The following THSD7A variants were observed in gnomAD, a reference collection of about 807,000 sequenced individuals.
THSD7A encodes thrombospondin type-1 domain-containing protein 7A.
A neutral mutation model predicts 231.3 loss-of-function variants in THSD7A; 96 were observed. That is an observed-to-expected ratio of 0.41 (90% CI 0.35 to 0.49). The LOEUF (loss-of-function observed/expected upper bound fraction) is 0.49. Ranked by LOEUF, THSD7A falls within the 20% of genes least tolerant of loss-of-function variation. The probability of loss-of-function intolerance (pLI) is 0.05; values close to 1 mark genes in which losing one functional copy is unlikely to be tolerated. For missense variants in THSD7A, 2,290 were observed against 2,070.2 expected (o/e 1.11, Z -2.06); for synonymous variants, 940 against 743.3 (o/e 1.26, Z -4.30).
chr7:11,542,994 T>A lies in THSD7A; in HGVS notation c.1577A>T (p.Tyr526Phe), dbSNP rs1442982865. The part of the protein sequence containing the change: ...SPWSAWGPCT[Y>F]ENCNDQQGKK... ...CCCTTGCTGATCATTACAGTTTTCA[T>A]AAGTACAAGGTCCCCAAGCTGACCA... The change falls in exon 5 of 28, where the codon TAT becomes TTT. Residue 526 changes from tyrosine (Y) to phenylalanine (F), a missense_variant. Coordinates refer to ENST00000423059, the MANE Select transcript of THSD7A (RefSeq NM_015204.3). 1.2e-6 allele frequency: 2 copies of A among 1,613,728 alleles called. No homozygotes were observed. The highest frequency in any genetic ancestry group is 1.3e-5 in the African/African-American group (1 of 74,908).
At chr7:11,533,320 T>C (rs948643663) in intron 6 of THSD7A, among the ~76,000 whole-genome samples, 2 of 151,940 alleles carry the variant, frequency 1.3e-5, no homozygotes, top group Non-Finnish European at 2.9e-5. Context: ...TAGGGGAAAA[T>C]TCAAGAGCTC....
At chr7:11,771,985 G>C (rs1427023911) in intron 1 of THSD7A, among the ~76,000 whole-genome samples, 1 of 152,152 alleles carries the variant, frequency 6.6e-6, no homozygotes, top group Non-Finnish European at 1.5e-5. Flanking sequence ...GTTTGCTGAG[G>C]CCTCTCAGAA....
intron 15 of THSD7A, among the ~76,000 whole-genome samples, chr7:11,425,540 G>A (rs73282891): frequency 6.6e-6 from 1 of 152,088 alleles, no homozygotes; most frequent in African/African-American, 2.4e-5. Flanking sequence ...CCACATTTGG[G>A]GTGGTATGCT....
chr7:11,431,536 T>C (rs1326496530), intron 13 of THSD7A, among the ~76,000 whole-genome samples: 1 of 152,194 alleles, frequency 6.6e-6, no homozygotes, highest in African/African-American at 2.4e-5. Context: ...CTGTAAATTC[T>C]ATTCCATTTA....
At chr7:11,770,086 T>A (rs1016054503) in intron 1 of THSD7A, among the ~76,000 whole-genome samples, 1 of 152,134 alleles carries the variant, frequency 6.6e-6, no homozygotes, top group Admixed American at 6.6e-5. Context: ...AATTCTGTGA[T>A]CTTTATGTAA....
At chr7:11,648,266 T>C (rs1479173579) in intron 1 of THSD7A, among the ~76,000 whole-genome samples, 1 of 152,060 alleles carries the variant, frequency 6.6e-6, no homozygotes. Flanking sequence ...GTTGCAGCTG[T>C]CCATTTGCAA....
At chr7:11,376,917 C>T in intron 26 of THSD7A, 2 of 294,854 alleles carry the variant, frequency 6.8e-6, no homozygotes, top group Non-Finnish European at 1.2e-5. Flanking sequence ...TTTGGCTAAA[C>T]TTCAGCTGCC....
intron 1 of THSD7A, among the ~76,000 whole-genome samples, chr7:11,684,334 T>A (rs1451262152): frequency 6.6e-6 from 1 of 150,942 alleles, no homozygotes; most frequent in East Asian, 2.0e-4. Context: ...AAGACAAGGA[T>A]GTTTGTTCTC....
At chr7:11,728,918 T>C (rs1426172031) in intron 1 of THSD7A, among the ~76,000 whole-genome samples, 2 of 151,846 alleles carry the variant, frequency 1.3e-5, no homozygotes, top group African/African-American at 2.4e-5. Flanking sequence ...CCATCACTTA[T>C]CACTTTACAG....
chr7:11,599,200 T>G (rs941094647), intron 2 of THSD7A, among the ~76,000 whole-genome samples: 4 of 152,188 alleles, frequency 2.6e-5, no homozygotes, highest in Admixed American at 1.3e-4. Flanking sequence ...CCATGCCCTG[T>G]GATTAAGGTC....
At chr7:11,475,238 G>A (rs17164640) in intron 7 of THSD7A, among the ~76,000 whole-genome samples, 6 of 151,926 alleles carry the variant, frequency 3.9e-5, no homozygotes, top group Non-Finnish European at 7.4e-5. Context: ...TGCTTCTAAC[G>A]TTTCCTGCTA....
At chr7:11,403,271 T>C (rs1160092375) in intron 22 of THSD7A, among the ~76,000 whole-genome samples, 1 of 152,192 alleles carries the variant, frequency 6.6e-6, no homozygotes. Flanking sequence ...GAAAAACTTC[T>C]TGTGTCATGC....
At chr7:11,503,820 CA>C (rs1412878886) in intron 6 of THSD7A, among the ~76,000 whole-genome samples, 6 of 152,160 alleles carry the variant, frequency 3.9e-5, no homozygotes, top group African/African-American at 1.4e-4. Flanking sequence ...CAGATGCTGG[CA>C]AGGTTGCAGA....
At chr7:11,514,810 GATT>G (rs1362053586) in intron 6 of THSD7A, among the ~76,000 whole-genome samples, 2 of 152,040 alleles carry the variant, frequency 1.3e-5, no homozygotes, top group Non-Finnish European at 2.9e-5. Context: ...CTCCTTTCAA[GATT>G]ATTACTCTAT....
At chr7:11,626,387 T>A (rs1213700599) in intron 2 of THSD7A, among the ~76,000 whole-genome samples, 1 of 152,138 alleles carries the variant, frequency 6.6e-6, no homozygotes, top group East Asian at 1.9e-4. Context: ...ATTCCTTGAG[T>A]TGTATGCCTT....
intron 23 of THSD7A, among the ~76,000 whole-genome samples, chr7:11,394,173 C>G (rs1226896861): frequency 2.0e-5 from 3 of 152,184 alleles, no homozygotes; most frequent in African/African-American, 7.2e-5. Context: ...GATCCCTCTG[C>G]AGAAATCCTA....
intron 10 of THSD7A, among the ~76,000 whole-genome samples, chr7:11,461,753 C>T (rs573669355): frequency 1.3e-5 from 2 of 152,282 alleles, no homozygotes; most frequent in East Asian, 3.9e-4. Context: ...GTTATATCAA[C>T]ATAAGACATT....
chr7:11,439,360 C>T (rs927523382), intron 13 of THSD7A, among the ~76,000 whole-genome samples: 13 of 152,076 alleles, frequency 8.5e-5, no homozygotes, highest in Admixed American at 5.9e-4. Flanking sequence ...GCAAATCTAT[C>T]GGTGCCATTT....
At chr7:11,580,206 C>G (rs1791096198) in intron 4 of THSD7A, among the ~76,000 whole-genome samples, 1 of 152,178 alleles carries the variant, frequency 6.6e-6, no homozygotes, top group Admixed American at 6.5e-5. Flanking sequence ...TACAGAATTA[C>G]AGCCCCAGTG....
Sources: allele counts gnomAD v4.1 joint callset (sites outside exome capture counted in the v4.1 genomes callset), GRCh38; gene constraint gnomAD v4.1.1; transcripts MANE v1.5; gene names NCBI Gene and HGNC (gene_info 2026-07-23, HGNC 2026-07-21).